The following CNNM1 variants were observed in gnomAD, a reference collection of about 807,000 sequenced individuals.
The protein encoded by CNNM1 is cyclin and CBS domain divalent metal cation transport mediator 1.
Under a neutral mutation model 78.8 loss-of-function variants are expected in CNNM1, and 44 were observed. The ratio of observed to expected loss-of-function variants is 0.56; its 90% confidence interval spans 0.44 to 0.72. The LOEUF (loss-of-function observed/expected upper bound fraction) is 0.72, where lower values mean the gene tolerates loss of function less well. Ranked by LOEUF, CNNM1 falls within the 30% of genes least tolerant of loss-of-function variation. The pLI is 0.00. For synonymous variants in CNNM1, 584 were observed against 581.5 expected, an observed-to-expected ratio of 1.00 and a Z score of -0.06; for missense variants, 1,101 against 1,292.2, an observed-to-expected ratio of 0.85 and a Z score of 2.27.
In CNNM1 at chr10:99,377,148, A is replaced by G; in HGVS notation, c.2270A>G (p.Tyr757Cys). ...SDFGGSNTQLYSSSNNLYMPD... is the reference protein window; with the variant it reads ...SDFGGSNTQLCSSSNNLYMPD... ...TTTGGGGGCAGCAACACCCAGCTGTACAGCAGCAGCAACAACCTCTACATG... is the reference window on the plus strand; with the variant it reads ...TTTGGGGGCAGCAACACCCAGCTGTGCAGCAGCAGCAACAACCTCTACATG... The change falls in exon 7 of 11, where the codon TAC becomes TGC. Residue 757 changes from tyrosine (Y) to cysteine (C), a missense_variant. This residue lies in a region of CNNM1 where 348 missense variants were observed against 384.5 expected (regional missense o/e 0.90). Coordinates refer to ENST00000356713, the MANE Select transcript of CNNM1 (RefSeq NM_020348.3). The G allele has an allele frequency of 6.2e-7, 1 of 1,613,180 alleles. No individual in the cohort carries two copies. The highest frequency in any genetic ancestry group is 8.5e-7 in the Non-Finnish European group (1 of 1,179,638).
At chr10:99,344,202 G>C (rs1237169547) in intron 1 of CNNM1, among the ~76,000 whole-genome samples, 4 of 151,736 alleles carry the variant, frequency 2.6e-5, no homozygotes, top group African/African-American at 9.7e-5. Context: ...CATGATGGCG[G>C]GTGCCTGTAA....
At chr10:99,347,903 G>A (rs1160634064) in intron 1 of CNNM1, among the ~76,000 whole-genome samples, 2 of 111,684 alleles carry the variant, frequency 1.8e-5, no homozygotes, top group South Asian at 2.6e-4. Flanking sequence ...GTTCATCCCC[G>A]TCTCCCTTCC....
In CNNM1 at chr10:99,359,004, CAAAAAAAAAAAAAAAAA is replaced by C. The variant is rs769541046; in HGVS notation, c.1717+1367_1717+1383del. Among the ~76,000 whole-genome samples the C allele has an allele frequency of 9.9e-4, 51 of 51,518 alleles. No individual in the cohort carries two copies. In the East Asian group the frequency reaches 0.011, roughly 11 times the overall value. The allele number at this position is 51,518 out of a possible 152,430, so 33.8% of individuals were successfully genotyped here. ...CCTGGGTGACAGGGCAAGACTGTCT[CAAAAAAAAAAAAAAAAA>C]AAAAAAAAAAAAAAAAATCCCAGGT... On this transcript the variant is annotated intron_variant, in intron 2 of 10. Coordinates refer to ENST00000356713, the MANE Select transcript of CNNM1 (RefSeq NM_020348.3).
Position 99,330,353 on chromosome 10 carries a change from C to A in CNNM1, c.966C>A (p.His322Gln), listed in dbSNP as rs771633671. The change falls in exon 1 of 11, where the codon CAC (histidine) becomes CAA (glutamine). Residue 322 changes from histidine (H) to glutamine (Q), a missense_variant. Physicochemically the swap from His to Gln is conservative, Grantham distance 24 (BLOSUM62 0). Around this residue, in one of 3 missense-constraint regions of CNNM1, gnomAD observed 476 missense variants for 484.5 expected, o/e 0.98. Coordinates refer to ENST00000356713, the MANE Select transcript of CNNM1 (RefSeq NM_020348.3). ...AAGACTACAGCGAAGAGGGGATCCACTTCCCGTGGCTGCCGGCGCTCGTGT... is the reference window on the plus strand; with the variant it reads ...AAGACTACAGCGAAGAGGGGATCCAATTCCCGTGGCTGCCGGCGCTCGTGT... ...TGEDYSEEGI[H>Q]FPWLPALVCT... The A allele has an allele frequency of 6.2e-7, 1 of 1,600,812 alleles. No homozygotes were observed. Among genetic ancestry groups the A allele is most frequent in the South Asian group, 1.1e-5 (1 of 88,460 alleles).
intron 2 of CNNM1, among the ~76,000 whole-genome samples, chr10:99,359,928 A>C (rs1480495559): frequency 6.6e-6 from 1 of 151,880 alleles, no homozygotes; most frequent in South Asian, 2.1e-4. Context: ...TCTACCAAAA[A>C]AAAAAAAACA....
At chr10:99,358,320 A>G (rs2031294004) in intron 2 of CNNM1, among the ~76,000 whole-genome samples, 1 of 152,204 alleles carries the variant, frequency 6.6e-6, no homozygotes, top group South Asian at 2.1e-4. Context: ...ACTTTGGGTT[A>G]CTGAACCTTA....
Position 99,392,964 on chromosome 10 carries a change from CAAAAAAAA to C in CNNM1, c.*1453_*1460del, listed in dbSNP as rs71488889. 2 of 130,120 alleles carry C rather than the reference CAAAAAAAA, an allele frequency of 1.5e-5. No individual in the cohort carries two copies. The highest frequency in any genetic ancestry group is 2.9e-5 in the African/African-American group (1 of 34,782). 8.1% of individuals were successfully genotyped at this position (130,120 alleles called of 1,614,324 possible). A position where few individuals can be genotyped will look rare whatever the true frequency, so the allele number is the denominator to read the frequency against. ...CAGAGCGAGACTCTGTCTCCCCCCGCAAAAAAAAAAAAGAAAGAAAGAAAGAGAAAAGA... is the reference window on the plus strand; with the variant it reads ...CAGAGCGAGACTCTGTCTCCCCCCGCAAAAGAAAGAAAGAAAGAGAAAAGA... On this transcript the variant is annotated 3_prime_UTR_variant, in exon 11 of 11. Coordinates refer to ENST00000356713, the MANE Select transcript of CNNM1 (RefSeq NM_020348.3).
rs750321059 is a variant in CNNM1, at chr10:99,388,294, G to A, written c.2667G>A (p.Thr889=). 2.5e-6 allele frequency: 4 copies of A among 1,613,390 alleles called. No homozygotes were observed. The South Asian group carries it at 3.3e-5, about 13-fold the overall frequency. Residue 889 remains threonine, a synonymous_variant, in exon 9 of 11, where the codon ACG becomes ACA. Transcript: ENST00000356713. ...CGCTGTCTCCTGCAGCCGTTCCCAC[G>A]AGAGCAGGTCAGGGAGGCCAGCTGG... is the stretch of plus-strand genomic sequence containing the variant. ...QLTLSPAAVP[T]RAASDSECCN...
intron 4 of CNNM1, among the ~76,000 whole-genome samples, chr10:99,363,620 A>G (rs1303775467): frequency 6.6e-6 from 1 of 152,138 alleles, no homozygotes; most frequent in Non-Finnish European, 1.5e-5. Context: ...GGCTAATTGC[A>G]TGAGAATCTA....
intron 1 of CNNM1, among the ~76,000 whole-genome samples, chr10:99,348,229 A>G (rs2030794208): frequency 6.6e-6 from 1 of 151,734 alleles, no homozygotes; most frequent in African/African-American, 2.4e-5. Flanking sequence ...AATTTTTTGT[A>G]AAGATGAAGT....
At chr10:99,344,503 CCTTT>C (rs1304625388) in intron 1 of CNNM1, among the ~76,000 whole-genome samples, 3 of 152,076 alleles carry the variant, frequency 2.0e-5, no homozygotes, top group Non-Finnish European at 4.4e-5. Context: ...TATAACAAGT[CCTTT>C]CTCTCTCTGA....
chr10:99,391,489 C>CT lies in CNNM1; in HGVS notation c.2830dup (p.Ser944PhefsTer20). ...AAGGAGAGAGAACCTCTGAGGACAA[C>CT]TCCAATTTAACACCTCTGATCACAT... On this transcript the variant is annotated frameshift_variant, in exon 11 of 11. Coordinates refer to ENST00000356713, the MANE Select transcript of CNNM1 (RefSeq NM_020348.3). LOFTEE classifies it high-confidence loss of function. 1 of 1,613,936 alleles carries CT rather than the reference C, an allele frequency of 6.2e-7. No individual in the cohort carries two copies. Among genetic ancestry groups the CT allele is most frequent in the Non-Finnish European group, 8.5e-7 (1 of 1,179,836 alleles).
chr10:99,329,777 G>T lies in CNNM1; in HGVS notation c.390G>T (p.Pro130=). 1 of 1,490,646 alleles carries T rather than the reference G, an allele frequency of 6.7e-7. No individual in the cohort carries two copies. Among genetic ancestry groups the T allele is most frequent in the Non-Finnish European group, 8.9e-7 (1 of 1,127,982 alleles). 92.3% of individuals were successfully genotyped at this position (1,490,646 alleles called of 1,614,324 possible). A position where few individuals can be genotyped will look rare whatever the true frequency, so the allele number is the denominator to read the frequency against. Residue 130 remains proline, a synonymous_variant, in exon 1 of 11, where the codon CCG becomes CCT. Transcript: ENST00000356713. ...PSAVPTRPPG[P]QRCREQSDWA... The stretch of plus-strand genomic sequence containing the variant: ...CGGTCCCCACTCGCCCCCCGGGACC[G>T]CAGCGCTGCAGGGAGCAGAGCGACT...
chr10:99,343,153 G>A (rs532083753), intron 1 of CNNM1, among the ~76,000 whole-genome samples: 7 of 151,950 alleles, frequency 4.6e-5, no homozygotes, highest in Non-Finnish European at 1.0e-4. Flanking sequence ...AGTAGAGATG[G>A]GGTTTCACCA....
At chr10:99,387,206 G>A (rs906413670) in intron 7 of CNNM1, among the ~76,000 whole-genome samples, 1 of 152,154 alleles carries the variant, frequency 6.6e-6, no homozygotes, top group Non-Finnish European at 1.5e-5. Flanking sequence ...TGACCCTCCG[G>A]ATGCCTTCAG....
rs2029887884 is a variant in CNNM1 at position 99,330,950 on chromosome 10, G to A, written c.1563G>A (p.Glu521=). ...NDTRLDTVLE[E]FKKGKSHLAI... The stretch of plus-strand genomic sequence containing the variant: ...CCCGACTGGACACGGTTCTGGAGGA[G>A]TTTAAGAAGGGTGAGCAGTAGTCTA... The change falls in exon 1 of 11, where the codon GAG becomes GAA. Residue 521 remains glutamate, a synonymous_variant. Transcript: ENST00000356713. 1 of 1,610,774 alleles carries A rather than the reference G, an allele frequency of 6.2e-7. No homozygotes were observed. The highest frequency in any genetic ancestry group is 1.1e-5 in the South Asian group (1 of 90,848).
At chr10:99,342,352 C>T (rs2030492345) in intron 1 of CNNM1, among the ~76,000 whole-genome samples, 1 of 152,208 alleles carries the variant, frequency 6.6e-6, no homozygotes, top group South Asian at 2.1e-4. Context: ...AAACCACCAA[C>T]TGGCTTAGAT....
intron 6 of CNNM1, among the ~76,000 whole-genome samples, chr10:99,369,630 A>G (rs529779388): frequency 5.1e-4 from 78 of 152,230 alleles, no homozygotes; most frequent in Non-Finnish European, 8.8e-4. Context: ...TTTTTCATCA[A>G]AAACCATCTG....
chr10:99,342,361 A>G (rs2030492684), intron 1 of CNNM1, among the ~76,000 whole-genome samples: 1 of 152,180 alleles, frequency 6.6e-6, no homozygotes, highest in African/African-American at 2.4e-5. Context: ...ACTGGCTTAG[A>G]TTCTGGTGAC....
Sources: gnomAD v4.1 joint callset for allele counts (sites outside exome capture counted in the v4.1 genomes callset) on GRCh38, gnomAD v4.1.1 for gene constraint, gnomAD v4.1.1 regional missense constraint, MANE v1.5 for transcripts, NCBI Gene and HGNC (gene_info 2026-07-23, HGNC 2026-07-21) for gene names.